Variants in ADAM12 observed in about 807,000 individuals in gnomAD.
ADAM12 encodes ADAM metallopeptidase domain 12.
ADAM12 carries 70 observed loss-of-function variants against 106.4 expected under a neutral mutation model. The observed-to-expected ratio is 0.66, with a 90% confidence interval of 0.54 to 0.80. ADAM12 has a LOEUF of 0.80. ADAM12 is among the 30% of genes least tolerant of loss of function. The pLI is 0.00. For synonymous variants in ADAM12, 420 were observed against 433.5 expected, an observed-to-expected ratio of 0.97 and a Z score of 0.39; for missense variants, 1,010 against 1,171.9, an observed-to-expected ratio of 0.86 and a Z score of 2.02.
chr10:126,242,236 T>G (rs909350550), intron 3 of ADAM12, among the ~76,000 whole-genome samples: 3 of 152,234 alleles, frequency 2.0e-5, no homozygotes, highest in Admixed American at 6.5e-5. Flanking sequence ...TAAGACTGTT[T>G]TCTCCCCAGA....
At chr10:126,269,361 T>G (rs1959162475) in intron 3 of ADAM12, among the ~76,000 whole-genome samples, 1 of 152,188 alleles carries the variant, frequency 6.6e-6, no homozygotes, top group African/African-American at 2.4e-5. Context: ...CAGCTCCTAT[T>G]CAAGATGGAG....
At chr10:126,336,971 C>T (rs1157310854) in intron 1 of ADAM12, among the ~76,000 whole-genome samples, 5 of 152,178 alleles carry the variant, frequency 3.3e-5, no homozygotes, top group Non-Finnish European at 5.9e-5. Flanking sequence ...GAACAACATC[C>T]GCCACAGAGG....
At position 126,388,333 on chromosome 10, in the gene ADAM12, T is replaced by C; in HGVS notation, c.-188A>G. 3 of 949,544 alleles carry C rather than the reference T, an allele frequency of 3.2e-6. No homozygotes were observed. The highest frequency in any genetic ancestry group is 4.0e-6 in the Non-Finnish European group (3 of 747,216). The allele number at this position is 949,544 out of a possible 1,614,324, so 58.8% of individuals were successfully genotyped here. ...TTCTAGCCTTTCATTTTTAAAAAAGTTTCCCCCCGTGTGTGTGCGTGCGTG... is the reference window on the plus strand; with the variant it reads ...TTCTAGCCTTTCATTTTTAAAAAAGCTTCCCCCCGTGTGTGTGCGTGCGTG... On this transcript the variant is annotated 5_prime_UTR_variant, in exon 1 of 23. Transcript: ENST00000448723. This position sits in a 1 kb window ranked among gnomAD's most constrained non-coding sequence, Gnocchi z 4.4.
chr10:126,368,436 A>AACTT (rs1057455977), intron 1 of ADAM12, among the ~76,000 whole-genome samples: 1 of 151,672 alleles, frequency 6.6e-6, no homozygotes, highest in African/African-American at 2.4e-5. Flanking sequence ...AATAGGGTAC[A>AACTT]ACTTTAAGGA....
chr10:126,387,693 G>A (rs1482538946), intron 1 of ADAM12, among the ~76,000 whole-genome samples: 1 of 152,106 alleles, frequency 6.6e-6, no homozygotes, highest in East Asian at 1.9e-4. Flanking sequence ...ATTCACTGCG[G>A]GATAGGGCCA....
At chr10:126,118,280 T>G in intron 5 of ADAM12, 56 bp from the exon 6 acceptor site, 2 of 1,286,120 alleles carry the variant, frequency 1.6e-6, no homozygotes, top group Non-Finnish European at 2.2e-6. Context: ...TTCTTGTTTA[T>G]GGCCAAGACA....
At chr10:126,045,127 C>T (rs11244782) in intron 17 of ADAM12, among the ~76,000 whole-genome samples, 38,691 of 152,124 alleles carry the variant, frequency 0.25, 5,920 homozygotes, top group East Asian at 0.54. Flanking sequence ...TGCAGCTTGC[C>T]GGCCATATTA....
At chr10:126,144,948 T>C (rs537358811) in intron 4 of ADAM12, among the ~76,000 whole-genome samples, 1 of 152,122 alleles carries the variant, frequency 6.6e-6, no homozygotes, top group African/African-American at 2.4e-5. Flanking sequence ...TGGCTTGTGA[T>C]CCTAACCTTG....
Position 126,064,619 on chromosome 10 carries a change from C to G in ADAM12, c.1609+187G>C. 1.6e-6 allele frequency: 1 copy of G among 614,902 alleles called. No homozygotes were observed. The highest frequency in any genetic ancestry group is 2.1e-5 in the South Asian group (1 of 46,766). 38.1% of individuals were successfully genotyped at this position (614,902 alleles called of 1,614,324 possible). ...GCTCCAGGCAGTGTCCATTTCTGTG[C>G]ACCCCATGCCCAGTGCGGCCTCAGA... On this transcript the variant is annotated intron_variant, in intron 14 of 22. Transcript: ENST00000448723. The surrounding 1 kb of genome is among the most constrained non-coding windows in gnomAD (Gnocchi z 4.4).
At chr10:126,039,236 C>G in intron 19 of ADAM12, 58 bp downstream of exon 19, 1 of 1,594,758 alleles carries the variant, frequency 6.3e-7, no homozygotes. Context: ...CTTGAGCCAC[C>G]GCACCCAGCC....
chr10:126,207,557 C>A (rs1957819997), intron 3 of ADAM12, among the ~76,000 whole-genome samples: 5 of 152,214 alleles, frequency 3.3e-5, no homozygotes, highest in Admixed American at 2.6e-4. Flanking sequence ...GAAGACTCTG[C>A]CCAGGACCTT....
At chr10:126,175,488 G>A (rs993675423) in intron 3 of ADAM12, among the ~76,000 whole-genome samples, 3 of 152,208 alleles carry the variant, frequency 2.0e-5, no homozygotes, top group South Asian at 2.1e-4. Context: ...ACAGTCAGTG[G>A]TGAGTGCCAA....
chr10:126,050,635 G>A (rs1954457355), intron 14 of ADAM12, among the ~76,000 whole-genome samples: 1 of 152,146 alleles, frequency 6.6e-6, no homozygotes, highest in African/African-American at 2.4e-5. Context: ...GCTTTCCAAG[G>A]TGACAACGGA....
chr10:126,191,009 TTTTTTTTTTTC>T (rs59578125), intron 3 of ADAM12, among the ~76,000 whole-genome samples: 7 of 119,846 alleles, frequency 5.8e-5, no homozygotes, highest in African/African-American at 3.0e-4. Flanking sequence ...TTTTTTTTTT[TTTTTTTTTTTC>T]AGACAGAGTC....
chr10:126,026,963 A>G (rs1953885445), intron 21 of ADAM12, among the ~76,000 whole-genome samples: 1 of 151,758 alleles, frequency 6.6e-6, no homozygotes, highest in African/African-American at 2.4e-5. Context: ...CTCTTCAACA[A>G]ATCAGTGAAT....
chr10:126,059,163 G>A (rs559022351), intron 14 of ADAM12, among the ~76,000 whole-genome samples: 1 of 152,268 alleles, frequency 6.6e-6, no homozygotes, highest in East Asian at 1.9e-4. Context: ...AGTTCCCAAT[G>A]TCATTATATT....
At chr10:126,184,892 G>A (rs1273269026) in intron 3 of ADAM12, among the ~76,000 whole-genome samples, 1 of 152,174 alleles carries the variant, frequency 6.6e-6, no homozygotes, top group Non-Finnish European at 1.5e-5. Context: ...CATGAGGACT[G>A]GAATCAAAAC....
At chr10:126,158,801 C>A (rs28411103) in intron 3 of ADAM12, among the ~76,000 whole-genome samples, 5 of 119,702 alleles carry the variant, frequency 4.2e-5, no homozygotes, top group Non-Finnish European at 6.7e-5. Context: ...GGGATGCACA[C>A]AGCACGGTGG....
intron 3 of ADAM12, among the ~76,000 whole-genome samples, chr10:126,184,542 T>A (rs562657562): frequency 4.0e-4 from 61 of 152,332 alleles, no homozygotes; most frequent in African/African-American, 1.4e-3. Context: ...TGGCAAAAGC[T>A]GTGCCGTATT....
Sources: allele counts gnomAD v4.1 joint callset (sites outside exome capture counted in the v4.1 genomes callset), GRCh38; gene constraint gnomAD v4.1.1; non-coding constraint Gnocchi (gnomAD v3.1); transcripts MANE v1.5; gene names NCBI Gene and HGNC (gene_info 2026-07-23, HGNC 2026-07-21).